Variants in PRKN observed in about 807,000 individuals in gnomAD.
The protein encoded by PRKN is E3 ubiquitin-protein ligase parkin.
PRKN carries 56 observed loss-of-function variants against 59.5 expected under a neutral mutation model. That is an observed-to-expected ratio of 0.94 (90% CI 0.76 to 1.18). The LOEUF (loss-of-function observed/expected upper bound fraction) is 1.18. PRKN is among the 50% of genes most tolerant of loss of function. The pLI, the probability that PRKN is intolerant of heterozygous loss-of-function variation, is 0.00. For missense variants in PRKN, 657 were observed against 596.4 expected (o/e 1.10, Z -1.06); for synonymous variants, 250 against 222.1 (o/e 1.13, Z -1.12).
rs199526006 is a variant in PRKN at position 162,570,858 on chromosome 6, CCTA to C, written c.8-127388_8-127386del. On this transcript the variant is annotated intron_variant, in intron 1 of 11. Coordinates refer to ENST00000366898, the MANE Select transcript of PRKN (RefSeq NM_004562.3). ...AGGGAAAAAAATAGAATGAATAAGA[CCTA>C]CTATTTGATAGCATAACAGGGTGAC... Among the ~76,000 whole-genome samples the C allele has an allele frequency of 5.1e-3, 772 of 152,158 alleles. 3 individuals carry two copies. The highest frequency in any genetic ancestry group is 0.016 in the South Asian group (75 of 4,820).
intron 2 of PRKN, among the ~76,000 whole-genome samples, chr6:162,357,413 G>A (rs570424833): frequency 6.6e-6 from 1 of 152,272 alleles, no homozygotes; most frequent in South Asian, 2.1e-4. Context: ...ATGTCATTAT[G>A]GAATTCAGAA....
At chr6:162,069,137 T>G (rs927722070) in intron 4 of PRKN, among the ~76,000 whole-genome samples, 1 of 152,130 alleles carries the variant, frequency 6.6e-6, no homozygotes, top group Non-Finnish European at 1.5e-5. Context: ...CTCCCAGAAT[T>G]CCCACGTGTT....
chr6:162,178,267 C>T (rs552674036), intron 4 of PRKN, among the ~76,000 whole-genome samples: 1 of 152,198 alleles, frequency 6.6e-6, no homozygotes, highest in African/African-American at 2.4e-5. Flanking sequence ...AGGACTTTCA[C>T]AGAAACAGTT....
intron 4 of PRKN, among the ~76,000 whole-genome samples, chr6:162,091,580 G>C (rs73783408): frequency 5.9e-5 from 9 of 152,258 alleles, no homozygotes; most frequent in Non-Finnish European, 1.2e-4. Flanking sequence ...AACATCACAA[G>C]GACAGGTGAA....
In PRKN at chr6:161,480,876, A is replaced by C. The variant is rs1227640339; in HGVS notation, c.1083+67978T>G. Reference sequence around the variant, plus strand: ...TTAGCATTAGAGAAACCATTTTCATAAGCAGTGTGCTAACAACCCATTGGT... The same window carrying C: ...TTAGCATTAGAGAAACCATTTTCATCAGCAGTGTGCTAACAACCCATTGGT... On this transcript the variant is annotated intron_variant, in intron 9 of 11. Transcript: ENST00000366898. The surrounding 1 kb of genome is among the most constrained non-coding windows in gnomAD (Gnocchi z 4.1). 2.0e-5 allele frequency among the ~76,000 whole-genome samples: 3 copies of C among 152,246 alleles called. No individual in the cohort carries two copies. The highest frequency in any genetic ancestry group is 4.4e-5 in the Non-Finnish European group (3 of 68,044).
At chr6:161,437,620 AG>A (rs774381801) in intron 9 of PRKN, among the ~76,000 whole-genome samples, 4 of 152,154 alleles carry the variant, frequency 2.6e-5, no homozygotes, top group Non-Finnish European at 4.4e-5. Context: ...CTTTTTACAC[AG>A]GTATGGCCAA....
chr6:162,007,330 G>A (rs1425482998), intron 5 of PRKN, among the ~76,000 whole-genome samples: 1 of 152,078 alleles, frequency 6.6e-6, no homozygotes, highest in African/African-American at 2.4e-5. Flanking sequence ...TAAGAATTTA[G>A]AGAAATATTC....
intron 10 of PRKN, among the ~76,000 whole-genome samples, chr6:161,384,539 G>A (rs1329018965): frequency 1.3e-5 from 2 of 152,038 alleles, no homozygotes; most frequent in East Asian, 3.9e-4. Context: ...TGAGACCCTG[G>A]TTCAAAAAAA....
chr6:162,084,872 A>C (rs1433257966), intron 4 of PRKN, among the ~76,000 whole-genome samples: 1 of 152,012 alleles, frequency 6.6e-6, no homozygotes, highest in Non-Finnish European at 1.5e-5. Context: ...CAATTAGGAC[A>C]AAATATTCCT....
At chr6:162,535,343 G>C (rs1196968106) in intron 1 of PRKN, among the ~76,000 whole-genome samples, 1 of 151,938 alleles carries the variant, frequency 6.6e-6, no homozygotes, top group African/African-American at 2.4e-5. Context: ...TAGAGTCCCT[G>C]GTTCCTATTA....
chr6:161,975,112 C>T (rs1375535574), intron 5 of PRKN, among the ~76,000 whole-genome samples: 2 of 123,270 alleles, frequency 1.6e-5, no homozygotes, highest in South Asian at 2.6e-4. Flanking sequence ...TTTTTTGAGA[C>T]GGAGTCTCTG....
At chr6:162,202,704 G>A (rs1453745492) in intron 3 of PRKN, among the ~76,000 whole-genome samples, 2 of 152,134 alleles carry the variant, frequency 1.3e-5, no homozygotes, top group Admixed American at 1.3e-4. Flanking sequence ...ATAGAACCAT[G>A]TATTAATGTT....
chr6:161,610,389 C>T (rs1782444097), intron 7 of PRKN, among the ~76,000 whole-genome samples: 1 of 151,846 alleles, frequency 6.6e-6, no homozygotes, highest in East Asian at 1.9e-4. Flanking sequence ...AAAACAGAAA[C>T]AGGGCAGGTA....
intron 7 of PRKN, among the ~76,000 whole-genome samples, chr6:161,611,067 T>C (rs2128146695): frequency 6.6e-6 from 1 of 152,258 alleles, no homozygotes. Flanking sequence ...TCTAAAGCCA[T>C]CCAAATATAG....
Position 162,338,029 on chromosome 6 carries a change from G to A in PRKN, c.172-75264C>T, listed in dbSNP as rs187824809. Reference sequence around the variant, plus strand: ...GGATAAATCTAAAAATTAACTTTCCGATAAGTTTGGAACATGCATAGAATG... The same window carrying A: ...GGATAAATCTAAAAATTAACTTTCCAATAAGTTTGGAACATGCATAGAATG... On this transcript the variant is annotated intron_variant, in intron 2 of 11. Transcript: ENST00000366898. 6.6e-3 allele frequency among the ~76,000 whole-genome samples: 1,008 copies of A among 151,984 alleles called. 43 individuals are homozygous for A. Among genetic ancestry groups the A allele is most frequent in the Admixed American group, 0.058 (882 of 15,264 alleles).
chr6:162,518,544 T>G (rs950239702), intron 1 of PRKN, among the ~76,000 whole-genome samples: 8 of 152,122 alleles, frequency 5.3e-5, no homozygotes, highest in Admixed American at 3.9e-4. Context: ...TTTTTGTTTT[T>G]GTAGTAGAGA....
chr6:161,408,900 A>G (rs1289840639), intron 9 of PRKN, among the ~76,000 whole-genome samples: 3 of 152,212 alleles, frequency 2.0e-5, no homozygotes, highest in African/African-American at 7.2e-5. Flanking sequence ...ATTCACAAGC[A>G]TGCAGCAAGA....
chr6:161,743,735 G>A (rs551610876), intron 7 of PRKN, among the ~76,000 whole-genome samples: 26 of 152,224 alleles, frequency 1.7e-4, no homozygotes, highest in African/African-American at 6.0e-4. Flanking sequence ...TACAACAAAG[G>A]GAACTTTTGA....
At chr6:161,583,102 T>C (rs181211101) in intron 7 of PRKN, among the ~76,000 whole-genome samples, 112 of 152,180 alleles carry the variant, frequency 7.4e-4, no homozygotes, top group African/African-American at 2.6e-3. Context: ...TGATGAACTA[T>C]AGAGCATTAC....
Sources: allele counts gnomAD v4.1 joint callset (sites outside exome capture counted in the v4.1 genomes callset), GRCh38; gene constraint gnomAD v4.1.1; non-coding constraint Gnocchi (gnomAD v3.1); transcripts MANE v1.5; gene names NCBI Gene and HGNC (gene_info 2026-07-23, HGNC 2026-07-21).